The following VIT variants were observed in gnomAD, a reference collection of about 807,000 sequenced individuals.
The protein encoded by VIT is vitrin.
VIT carries 99 observed loss-of-function variants against 78.0 expected under a neutral mutation model. The ratio of observed to expected loss-of-function variants is 1.27; its 90% CI spans 1.08 to 1.50. The LOEUF (loss-of-function observed/expected upper bound fraction) is 1.50. Ranked by LOEUF, VIT falls within the 40% of genes most tolerant of loss-of-function variation. The probability of loss-of-function intolerance (pLI) is 0.00; values close to 1 mark genes in which losing one functional copy is unlikely to be tolerated. For synonymous variants in VIT, 374 were observed against 334.3 expected (o/e 1.12, Z -1.29); for missense variants, 1,126 against 875.3 (o/e 1.29, Z -3.61).
chr2:36,722,686 C>G (rs1200532717), intron 2 of VIT, among the ~76,000 whole-genome samples: 1 of 152,154 alleles, frequency 6.6e-6, no homozygotes, highest in Non-Finnish European at 1.5e-5. Flanking sequence ...ATGAGGCATG[C>G]TTATAAAAGT....
At chr2:36,776,739 A>G (rs1670070155) in intron 9 of VIT, among the ~76,000 whole-genome samples, 1 of 151,470 alleles carries the variant, frequency 6.6e-6, no homozygotes, top group Admixed American at 6.6e-5. Context: ...AGGGTGCAGT[A>G]AGCTGAGATG....
chr2:36,710,688 T>G (rs1444877088), intron 1 of VIT, among the ~76,000 whole-genome samples: 1 of 152,230 alleles, frequency 6.6e-6, no homozygotes, highest in Non-Finnish European at 1.5e-5. Context: ...TACTTTCATT[T>G]AACATAATTA....
chr2:36,727,734 A>C (rs1198360883), intron 2 of VIT, among the ~76,000 whole-genome samples: 1 of 152,216 alleles, frequency 6.6e-6, no homozygotes, highest in Non-Finnish European at 1.5e-5. Context: ...TGGAGATGAA[A>C]AATTCCTATT....
intron 4 of VIT, 65 bp from the exon 5 acceptor site, chr2:36,754,856 A>G (rs1293458208): frequency 1.9e-6 from 3 of 1,551,830 alleles, no homozygotes; most frequent in East Asian, 4.6e-5. Context: ...CTGGTTTTCT[A>G]GCCTGTTGAT....
chr2:36,760,066 C>T (rs1489732998), intron 6 of VIT, among the ~76,000 whole-genome samples: 1 of 151,560 alleles, frequency 6.6e-6, no homozygotes, highest in African/African-American at 2.4e-5. Flanking sequence ...GCGATCTCAG[C>T]TCCCTACAAC....
At position 36,709,486 on chromosome 2, in the gene VIT, G is replaced by A. The variant is rs1317665402; in HGVS notation, c.-18-6867G>A. On this transcript the variant is annotated intron_variant, in intron 1 of 15. Coordinates refer to ENST00000379242, the MANE Select transcript of VIT (RefSeq NM_053276.4). Reference sequence around the variant, plus strand: ...CATGCATGCCAGTCTCCCGCAGGAAGACTCAAAACAACTTGATGCCAGGAC... The same window carrying A: ...CATGCATGCCAGTCTCCCGCAGGAAAACTCAAAACAACTTGATGCCAGGAC... 2.6e-5 allele frequency among the ~76,000 whole-genome samples: 4 copies of A among 152,210 alleles called. No homozygotes were observed. In the East Asian group the frequency reaches 7.7e-4, roughly 29 times the overall value.
intron 7 of VIT, among the ~76,000 whole-genome samples, chr2:36,770,523 G>C (rs1669683455): frequency 1.3e-5 from 2 of 152,182 alleles, no homozygotes; most frequent in African/African-American, 4.8e-5. Flanking sequence ...ACACCAGCAA[G>C]ACAGAAGGGA....
At chr2:36,747,301 T>A (rs1490474294) in intron 4 of VIT, among the ~76,000 whole-genome samples, 1 of 152,186 alleles carries the variant, frequency 6.6e-6, no homozygotes, top group Admixed American at 6.5e-5. Context: ...ATTCTGTAGA[T>A]GTCTATTAGA....
At chr2:36,786,167 CTT>C (rs148190765) in intron 11 of VIT, among the ~76,000 whole-genome samples, 1 of 143,810 alleles carries the variant, frequency 7.0e-6, no homozygotes. Context: ...TTTACTCACT[CTT>C]TTTTTTTTTT....
chr2:36,794,561 T>C (rs905595627), intron 12 of VIT, among the ~76,000 whole-genome samples: 3 of 152,206 alleles, frequency 2.0e-5, no homozygotes, highest in Non-Finnish European at 2.9e-5. Flanking sequence ...TTCATTATTA[T>C]GATTAGAGTG....
intron 8 of VIT, 178 bp from the exon 9 acceptor site, chr2:36,774,824 C>A: frequency 5.1e-6 from 5 of 985,402 alleles, no homozygotes; most frequent in Non-Finnish European, 6.0e-6. Flanking sequence ...TTCCTCCTGT[C>A]CCCTTGGCCA....
chr2:36,753,041 A>G (rs866941332), intron 4 of VIT, among the ~76,000 whole-genome samples: 13 of 152,366 alleles, frequency 8.5e-5, no homozygotes, highest in African/African-American at 2.9e-4. Flanking sequence ...AAGGAATGAG[A>G]TCATGTCCTT....
chr2:36,777,625 C>T (rs1003910629), intron 9 of VIT, among the ~76,000 whole-genome samples: 4 of 152,236 alleles, frequency 2.6e-5, no homozygotes, highest in South Asian at 4.2e-4. Context: ...TACCTAAAGT[C>T]GCTGGGATTT....
chr2:36,791,047 T>C (rs1247883134), intron 12 of VIT, among the ~76,000 whole-genome samples: 1 of 152,234 alleles, frequency 6.6e-6, no homozygotes, highest in East Asian at 1.9e-4. Flanking sequence ...CATCTCAGTA[T>C]AAATGGAACA....
chr2:36,795,091 T>G (rs1665772974), intron 12 of VIT, among the ~76,000 whole-genome samples: 1 of 152,218 alleles, frequency 6.6e-6, no homozygotes, highest in South Asian at 2.1e-4. Flanking sequence ...TCCTGGATGC[T>G]AAGTACTAGG....
chr2:36,775,305 C>CT (rs1424757333), intron 9 of VIT, among the ~76,000 whole-genome samples: 1 of 152,202 alleles, frequency 6.6e-6, no homozygotes, highest in African/African-American at 2.4e-5. Flanking sequence ...GCTGTCATTA[C>CT]TTTATGTCTC....
chr2:36,802,267 C>G (rs964488695), intron 13 of VIT, among the ~76,000 whole-genome samples: 7 of 152,118 alleles, frequency 4.6e-5, no homozygotes, highest in Non-Finnish European at 2.9e-5. Flanking sequence ...AGAGCCCATG[C>G]CAGTGTATTC....
At chr2:36,754,476 C>T (rs1041374184) in intron 4 of VIT, among the ~76,000 whole-genome samples, 1 of 152,106 alleles carries the variant, frequency 6.6e-6, no homozygotes, top group African/African-American at 2.4e-5. Flanking sequence ...TTTAACTTAG[C>T]TGCACAGCTT....
At chr2:36,750,950 T>A (rs932679465) in intron 4 of VIT, among the ~76,000 whole-genome samples, 2 of 152,130 alleles carry the variant, frequency 1.3e-5, no homozygotes, top group Non-Finnish European at 2.9e-5. Flanking sequence ...AACCGAGGTA[T>A]CAAAAAGCTA....
Sources: gnomAD v4.1 joint callset for allele counts (sites outside exome capture counted in the v4.1 genomes callset) on GRCh38, gnomAD v4.1.1 for gene constraint, MANE v1.5 for transcripts, NCBI Gene and HGNC (gene_info 2026-07-23, HGNC 2026-07-21) for gene names.